The following CRTC3 variants were observed in gnomAD, a reference collection of about 807,000 sequenced individuals.
CRTC3 encodes CREB-regulated transcription coactivator 3.
Under a neutral mutation model 74.5 loss-of-function variants are expected in CRTC3, and 26 were observed. The ratio of observed to expected loss-of-function variants is 0.35; its 90% CI spans 0.26 to 0.48. CRTC3 has a LOEUF of 0.48. CRTC3 is among the 20% of genes least tolerant of loss of function. The pLI is 0.99. For synonymous variants in CRTC3, 377 were observed against 325.8 expected, an observed-to-expected ratio of 1.16 and a Z score of -1.69; for missense variants, 760 against 787.3, an observed-to-expected ratio of 0.97 and a Z score of 0.41.
intron 9 of CRTC3, among the ~76,000 whole-genome samples, chr15:90,624,705 C>G (rs981406363): frequency 6.6e-6 from 1 of 152,256 alleles, no homozygotes; most frequent in Non-Finnish European, 1.5e-5. Flanking sequence ...CAGTTACTTG[C>G]TTTCCCAGGC....
chr15:90,641,645 C>T (rs1270707462), intron 14 of CRTC3, among the ~76,000 whole-genome samples: 1 of 150,578 alleles, frequency 6.6e-6, no homozygotes, highest in Non-Finnish European at 1.5e-5. Flanking sequence ...TGCAGTGAGC[C>T]GAGATTGTGC....
intron 2 of CRTC3, among the ~76,000 whole-genome samples, chr15:90,593,096 T>A (rs988302416): frequency 2.0e-5 from 3 of 152,134 alleles, no homozygotes; most frequent in African/African-American, 7.2e-5. Flanking sequence ...GAGGTTGCAG[T>A]GAGCTGAGAT....
chr15:90,627,755 G>A (rs1968889624), intron 10 of CRTC3, among the ~76,000 whole-genome samples: 1 of 150,436 alleles, frequency 6.6e-6, no homozygotes, highest in African/African-American at 2.4e-5. Flanking sequence ...CCCAGTAGCT[G>A]GGACTACAGG....
chr15:90,591,798 A>G (rs1202062451), intron 2 of CRTC3, among the ~76,000 whole-genome samples: 1 of 152,182 alleles, frequency 6.6e-6, no homozygotes, highest in African/African-American at 2.4e-5. Context: ...CCCTGTCTCA[A>G]AAAAAAGAGA....
chr15:90,550,495 G>A (rs1966853263), intron 2 of CRTC3, among the ~76,000 whole-genome samples: 1 of 147,570 alleles, frequency 6.8e-6, no homozygotes, highest in African/African-American at 2.5e-5. Context: ...GAAAATTGTG[G>A]AAAATGTTTT....
intron 7 of CRTC3, among the ~76,000 whole-genome samples, chr15:90,615,475 C>T (rs1365225188): frequency 6.6e-6 from 1 of 152,256 alleles, no homozygotes; most frequent in East Asian, 1.9e-4. Context: ...GCAAGACGCA[C>T]AGCTCTCTGT....
intron 5 of CRTC3, among the ~76,000 whole-genome samples, chr15:90,606,297 C>T (rs1968218385): frequency 6.6e-6 from 1 of 152,018 alleles, no homozygotes; most frequent in Admixed American, 6.6e-5. Context: ...CACAGTGGCT[C>T]ATGCCTGTAA....
intron 2 of CRTC3, among the ~76,000 whole-genome samples, chr15:90,581,252 C>T (rs1967534017): frequency 6.6e-6 from 1 of 152,136 alleles, no homozygotes; most frequent in Admixed American, 6.5e-5. Flanking sequence ...TTTTCATGAG[C>T]TAGTGGCCAG....
rs200794275 is a variant in CRTC3, at chr15:90,638,446, A to G, written c.1267A>G (p.Met423Val). 12 of 1,613,888 alleles carry G rather than the reference A, an allele frequency of 7.4e-6. No individual in the cohort carries two copies. In the East Asian group the frequency reaches 1.6e-4, roughly 21 times the overall value. ...GTGGCTTTGTGTGTTTGTTTTGCAG[A>G]TGGTGTCCTCAGACCGAAGCCAACT... ...SPLAPYPTSQMVSSDRSQLSF... is the reference protein window; with the variant it reads ...SPLAPYPTSQVVSSDRSQLSF... The change falls in exon 12 of 15, where the codon ATG becomes GTG. Residue 423 changes from methionine (M) to valine (V), a missense_variant and splice_region_variant. Physicochemically the swap from Met to Val is conservative, Grantham distance 21 (BLOSUM62 1). Around this residue, in one of 2 missense-constraint regions of CRTC3, gnomAD observed 652 missense variants for 635.2 expected, o/e 1.03. Transcript: ENST00000268184.
In CRTC3 at chr15:90,549,951, G is replaced by A. The variant is rs188728739; in HGVS notation, c.231+9814G>A. Among the ~76,000 whole-genome samples, 71 of 150,506 alleles carry A rather than the reference G, an allele frequency of 4.7e-4. No homozygotes were observed. The East Asian group carries it at 9.9e-3, about 21-fold the overall frequency. ...ACTCCTGACCTCAGGTGATTTGCCC[G>A]CCCTGGCCTCCCAAAGTGCTGGGAT... On this transcript the variant is annotated intron_variant, in intron 2 of 14. Coordinates refer to ENST00000268184, the MANE Select transcript of CRTC3 (RefSeq NM_022769.5).
chr15:90,541,782 CTTTTTTTCTTTT>C (rs1430690081), intron 2 of CRTC3, among the ~76,000 whole-genome samples: 15 of 120,100 alleles, frequency 1.2e-4, no homozygotes, highest in African/African-American at 4.2e-4. Context: ...TCCCAGGATT[CTTTTTTTCTTTT>C]TTTTTTTTTG....
intron 2 of CRTC3, among the ~76,000 whole-genome samples, chr15:90,542,399 G>A (rs1382734581): frequency 1.3e-5 from 2 of 151,632 alleles, no homozygotes; most frequent in East Asian, 1.9e-4. Context: ...GGCTGGTCTC[G>A]AACTCCTGAC....
intron 2 of CRTC3, among the ~76,000 whole-genome samples, chr15:90,575,215 G>A (rs879327666): frequency 1.3e-5 from 2 of 152,194 alleles, no homozygotes; most frequent in Non-Finnish European, 2.9e-5. Context: ...GATGGGCGTT[G>A]TGGCAGGTGC....
intron 4 of CRTC3, 139 bp downstream of exon 4, chr15:90,602,524 G>C: frequency 1.6e-6 from 1 of 607,094 alleles, no homozygotes; most frequent in Non-Finnish European, 2.9e-6. Flanking sequence ...TTTAATTTCA[G>C]TGGGAGGATC....
At chr15:90,595,071 A>C (rs1020194299) in intron 3 of CRTC3, 8 of 152,210 alleles carry the variant, frequency 5.3e-5, no homozygotes, top group Non-Finnish European at 8.8e-5. Context: ...GGCTGTTATC[A>C]AGGAAAGTAA....
At chr15:90,625,489 G>C (rs1270113028) in intron 9 of CRTC3, among the ~76,000 whole-genome samples, 1 of 152,048 alleles carries the variant, frequency 6.6e-6, no homozygotes, top group African/African-American at 2.4e-5. Flanking sequence ...TTTATAGAGT[G>C]GTTTATAATT....
chr15:90,539,216 G>A (rs1966766525), intron 1 of CRTC3, among the ~76,000 whole-genome samples: 1 of 152,186 alleles, frequency 6.6e-6, no homozygotes, highest in Non-Finnish European at 1.5e-5. Flanking sequence ...TTAAAGACCA[G>A]ATCAGACCAC....
intron 2 of CRTC3, among the ~76,000 whole-genome samples, chr15:90,581,094 C>G (rs900251525): frequency 2.0e-5 from 3 of 152,094 alleles, no homozygotes; most frequent in Admixed American, 6.5e-5. Flanking sequence ...TGGGAAAGTA[C>G]TCCGTTCCCA....
chr15:90,602,210 A>G, intron 3 of CRTC3, 114 bp from the exon 4 acceptor site: 1 of 665,446 alleles, frequency 1.5e-6, no homozygotes, highest in South Asian at 1.7e-5. Context: ...AAGAGCTGTC[A>G]GGTACAGGGA....
Sources: gnomAD v4.1 joint callset for allele counts (sites outside exome capture counted in the v4.1 genomes callset) on GRCh38, gnomAD v4.1.1 for gene constraint, gnomAD v4.1.1 regional missense constraint, MANE v1.5 for transcripts, NCBI Gene and HGNC (gene_info 2026-07-23, HGNC 2026-07-21) for gene names.